VTI1A: variants seen among roughly 807,000 people sequenced by gnomAD.
The protein encoded by VTI1A is vesicle transport through interaction with t-SNAREs homolog 1A.
Under a neutral mutation model 34.9 loss-of-function variants are expected in VTI1A, and 22 were observed. The ratio of observed to expected loss-of-function variants is 0.63; its 90% CI spans 0.45 to 0.90. VTI1A has a LOEUF of 0.90. Among genes scored for constraint, VTI1A ranks in the 40% least tolerant of loss-of-function variants. The probability of loss-of-function intolerance (pLI) is 0.00; values close to 1 mark genes in which losing one functional copy is unlikely to be tolerated. For missense variants in VTI1A, 268 were observed against 275.6 expected (o/e 0.97, Z 0.20); for synonymous variants, 87 against 97.3 (o/e 0.89, Z 0.62).
At chr10:112,700,160 G>A (rs920563588) in intron 7 of VTI1A, among the ~76,000 whole-genome samples, 3 of 147,824 alleles carry the variant, frequency 2.0e-5, no homozygotes, top group Non-Finnish European at 3.0e-5. Context: ...AAAAACACTC[G>A]GAGGTAAAAC....
chr10:112,653,625 A>G (rs1444927813), intron 5 of VTI1A, among the ~76,000 whole-genome samples: 1 of 152,256 alleles, frequency 6.6e-6, no homozygotes, highest in African/African-American at 2.4e-5. Context: ...TGTGAAGATT[A>G]AATACGGTAT....
At chr10:112,780,844 C>T (rs1269072244) in intron 7 of VTI1A, among the ~76,000 whole-genome samples, 2 of 152,264 alleles carry the variant, frequency 1.3e-5, no homozygotes, top group Middle Eastern at 3.4e-3. Context: ...CCCGGGCACC[C>T]CAGTGTTCCT....
At chr10:112,728,521 A>G (rs1037693514) in intron 7 of VTI1A, among the ~76,000 whole-genome samples, 1 of 152,242 alleles carries the variant, frequency 6.6e-6, no homozygotes, top group African/African-American at 2.4e-5. Context: ...CACAATAGCT[A>G]AAGTCTGATG....
intron 3 of VTI1A, among the ~76,000 whole-genome samples, chr10:112,475,167 C>T (rs1344472415): frequency 6.6e-6 from 1 of 152,236 alleles, no homozygotes; most frequent in Non-Finnish European, 1.5e-5. Flanking sequence ...ATTTTCTTCA[C>T]TTTGGAAACT....
intron 5 of VTI1A, among the ~76,000 whole-genome samples, chr10:112,647,381 G>A (rs555356843): frequency 6.6e-6 from 1 of 152,236 alleles, no homozygotes; most frequent in Non-Finnish European, 1.5e-5. Flanking sequence ...TCAGAGTCAG[G>A]CTCTGCTTAT....
chr10:112,812,370 T>C (rs969299553), intron 7 of VTI1A, among the ~76,000 whole-genome samples: 60 of 152,358 alleles, frequency 3.9e-4, no homozygotes, highest in African/African-American at 1.3e-3. Context: ...GTTCCTTCGC[T>C]GCCATCTCAC....
chr10:112,718,836 G>A (rs955914616), intron 7 of VTI1A, among the ~76,000 whole-genome samples: 1 of 152,188 alleles, frequency 6.6e-6, no homozygotes, highest in African/African-American at 2.4e-5. Context: ...AAAATTGCTA[G>A]ATAATGCTTT....
chr10:112,447,104 G>C (rs574469129), upstream of VTI1A: 3 of 481,900 alleles, frequency 6.2e-6, no homozygotes, highest in Admixed American at 3.2e-5. Context: ...CGCTTTTCTG[G>C]GGGGAGGCAC....
intron 5 of VTI1A, among the ~76,000 whole-genome samples, chr10:112,592,187 AAC>A (rs1844418278): frequency 6.6e-6 from 1 of 152,196 alleles, no homozygotes; most frequent in South Asian, 2.1e-4. Flanking sequence ...ACTGGAAATG[AAC>A]ACAGCCTGGG....
At chr10:112,664,227 A>T (rs1466399897) in intron 5 of VTI1A, among the ~76,000 whole-genome samples, 2 of 152,234 alleles carry the variant, frequency 1.3e-5, no homozygotes, top group African/African-American at 4.8e-5. Flanking sequence ...ACTAATTTTT[A>T]AAAATGTTTT....
intron 3 of VTI1A, among the ~76,000 whole-genome samples, chr10:112,520,069 T>G (rs1300947807): frequency 6.6e-6 from 1 of 152,098 alleles, no homozygotes; most frequent in African/African-American, 2.4e-5. Flanking sequence ...GTATAGTGTA[T>G]TTATAAATCA....
chr10:112,619,399 C>T (rs1845643507), intron 5 of VTI1A, among the ~76,000 whole-genome samples: 1 of 152,104 alleles, frequency 6.6e-6, no homozygotes. Context: ...GTGGGGAACA[C>T]ATCCCAGAGA....
At chr10:112,689,432 A>AGGGAAGG (rs1343652057) in intron 7 of VTI1A, among the ~76,000 whole-genome samples, 1 of 152,072 alleles carries the variant, frequency 6.6e-6, no homozygotes, top group Non-Finnish European at 1.5e-5. Context: ...GGAGGGCCTG[A>AGGGAAGG]GGGAAGGGTG....
chr10:112,829,229 G>A, the VTI1A span, among the ~76,000 whole-genome samples: 550 of 152,154 alleles, frequency 3.6e-3, 12 homozygotes, highest in Admixed American at 0.011. Context: ...CAGACCACGA[G>A]GTCAGGAGAT....
chr10:112,811,351 T>C (rs542242335), intron 7 of VTI1A, among the ~76,000 whole-genome samples: 1 of 152,330 alleles, frequency 6.6e-6, no homozygotes, highest in South Asian at 2.1e-4. Flanking sequence ...CTCAGAACTT[T>C]TGCTCTCATT....
chr10:112,478,890 C>T lies in VTI1A; in HGVS notation c.264+14233C>T, dbSNP rs149996366. Among the ~76,000 whole-genome samples the T allele has an allele frequency of 9.4e-3, 1,424 of 152,176 alleles. 20 individuals are homozygous for T. The highest frequency in any genetic ancestry group is 0.031 in the African/African-American group (1,285 of 41,528). On this transcript the variant is annotated intron_variant, in intron 3 of 7. Transcript: ENST00000393077. ...GCAACATTTAGAAGTCACTATTGGC[C>T]GGGCGCGGTGGTTCACGCCTGTAAT...
intron 7 of VTI1A, among the ~76,000 whole-genome samples, chr10:112,781,059 C>G (rs1355661750): frequency 6.6e-6 from 1 of 152,164 alleles, no homozygotes; most frequent in Non-Finnish European, 1.5e-5. Flanking sequence ...ATTCTCCTGC[C>G]TCAGCCTCCC....
chr10:112,779,030 A>T (rs773299860), intron 7 of VTI1A, among the ~76,000 whole-genome samples: 1 of 152,228 alleles, frequency 6.6e-6, no homozygotes, highest in Non-Finnish European at 1.5e-5. Flanking sequence ...ATTCTCAAAG[A>T]TGTTTCTGTT....
intron 5 of VTI1A, among the ~76,000 whole-genome samples, chr10:112,659,053 G>A (rs1223392355): frequency 6.6e-6 from 1 of 152,230 alleles, no homozygotes; most frequent in Non-Finnish European, 1.5e-5. Context: ...GATTAACTCG[G>A]CTCAGAATGA....
Sources: gnomAD v4.1 joint callset for allele counts (sites outside exome capture counted in the v4.1 genomes callset) on GRCh38, gnomAD v4.1.1 for gene constraint, MANE v1.5 for transcripts, NCBI Gene and HGNC (gene_info 2026-07-23, HGNC 2026-07-21) for gene names.